Variants in STK38 observed in about 807,000 individuals in gnomAD.
STK38 encodes the protein serine/threonine-protein kinase 38.
In STK38, 26 loss-of-function variants were observed where a neutral mutation model predicts 59.0. The ratio of observed to expected loss-of-function variants is 0.44; its 90% CI spans 0.32 to 0.61. The LOEUF (loss-of-function observed/expected upper bound fraction) is 0.61. STK38 is among the 20% of genes least tolerant of loss of function. The pLI, the probability that STK38 is intolerant of heterozygous loss-of-function variation, is 0.04. For synonymous variants in STK38, 175 were observed against 176.6 expected, an observed-to-expected ratio of 0.99 and a Z score of 0.07; for missense variants, 433 against 566.0, an observed-to-expected ratio of 0.76 and a Z score of 2.38.
chr6:36,495,814 TG>T lies in STK38; in HGVS notation c.1367del (p.Ala456GlufsTer6), dbSNP rs1299749640. 6 of 1,614,064 alleles carry T rather than the reference TG, an allele frequency of 3.7e-6. No individual in the cohort carries two copies. Among genetic ancestry groups the T allele is most frequent in the Non-Finnish European group, 5.1e-6 (6 of 1,179,962 alleles). On this transcript the variant is annotated frameshift_variant, in exon 14 of 14. Transcript: ENST00000229812. LOFTEE classifies it high-confidence loss of function. ...TTGCTGCTTTCATGTAGGAAGGTAT[TG>T]CCCCCCTTGCAGTCAGGCCCTCAAA... ...KRFEGLTARG[A>X]IPSYMKAAK
intron 3 of STK38, 52 bp from the exon 4 acceptor site, chr6:36,524,515 A>G: frequency 6.4e-7 from 1 of 1,552,182 alleles, no homozygotes. Context: ...AAATTCTGAA[A>G]CTCTGTAACA....
chr6:36,539,424 T>C (rs1408301571), intron 2 of STK38, among the ~76,000 whole-genome samples: 1 of 151,772 alleles, frequency 6.6e-6, no homozygotes, highest in Non-Finnish European at 1.5e-5. Context: ...TATGAGTTAC[T>C]AAGTGGACAG....
chr6:36,507,599 G>A lies in STK38; in HGVS notation c.673C>T (p.His225Tyr), dbSNP rs1258961324. 3 of 1,612,938 alleles carry A rather than the reference G, an allele frequency of 1.9e-6. No homozygotes were observed. Among genetic ancestry groups the A allele is most frequent in the Non-Finnish European group, 2.5e-6 (3 of 1,179,168 alleles). ...AGACCAAAGTCAGAAAGTTTCACATGGCCCTATGGGGAAGAAACAAGGTGA... is the reference window on the plus strand; with the variant it reads ...AGACCAAAGTCAGAAAGTTTCACATAGCCCTATGGGGAAGAAACAAGGTGA... Reference protein sequence around the residue: ...PDNLLLDSKGHVKLSDFGLCT... With the variant: ...PDNLLLDSKGYVKLSDFGLCT... The change falls in exon 8 of 14, where the codon CAT (histidine) becomes TAT (tyrosine). Residue 225 changes from histidine to tyrosine, a missense_variant. Coordinates refer to ENST00000229812, the MANE Select transcript of STK38 (RefSeq NM_007271.4).
intron 7 of STK38, among the ~76,000 whole-genome samples, chr6:36,512,414 A>G (rs1777135658): frequency 6.6e-6 from 1 of 152,236 alleles, no homozygotes; most frequent in Admixed American, 6.5e-5. Context: ...GCACTAAGCT[A>G]CCTGGGGCAC....
chr6:36,513,926 C>A (rs553166183), intron 7 of STK38, among the ~76,000 whole-genome samples: 431 of 146,806 alleles, frequency 2.9e-3, no homozygotes, highest in Non-Finnish European at 5.3e-3. Context: ...GAGGCCAAGG[C>A]GGGCAGATCA....
chr6:36,536,988 A>C (rs1777807402), intron 2 of STK38, among the ~76,000 whole-genome samples: 1 of 152,124 alleles, frequency 6.6e-6, no homozygotes, highest in South Asian at 2.1e-4. Context: ...TGAGCAAGAA[A>C]GCCACAGACT....
chr6:36,509,310 G>A (rs1777045599), intron 7 of STK38, among the ~76,000 whole-genome samples: 1 of 152,192 alleles, frequency 6.6e-6, no homozygotes, highest in African/African-American at 2.4e-5. Flanking sequence ...CCTCAGTGCA[G>A]AAAAGACCCA....
rs147446071 is a variant in STK38, at chr6:36,535,749, G to A, written c.131+4323C>T. On this transcript the variant is annotated intron_variant, in intron 2 of 13. Coordinates refer to ENST00000229812, the MANE Select transcript of STK38 (RefSeq NM_007271.4). ...GAATTAGCTGGGTGTGGTGGCGTGT[G>A]CCTGTAGTCCCAGCTGTTAGGGAGG... Among the ~76,000 whole-genome samples, 21 of 151,868 alleles carry A rather than the reference G, an allele frequency of 1.4e-4. No homozygotes were observed. The East Asian group carries it at 4.1e-3, about 29-fold the overall frequency.
In STK38 at chr6:36,495,884, T is replaced by C; in HGVS notation, c.1298A>G (p.Tyr433Cys). ...VATSNHPETD[Y>C]KNKDWVFINY... ...GATGAAGACCCAGTCTTTGTTCTTG[T>C]AGTCAGTCTCAGGATGATTACTTGT... is the stretch of plus-strand genomic sequence containing the variant. Residue 433 changes from tyrosine to cysteine, a missense_variant, in exon 14 of 14, where the codon TAC (tyrosine) becomes TGC (cysteine). Tyr to Cys is a radical substitution (Grantham distance 194, BLOSUM62 -2). This residue lies in a region of STK38 where 136 missense variants were observed against 156.7 expected (regional missense o/e 0.87). Coordinates refer to ENST00000229812, the MANE Select transcript of STK38 (RefSeq NM_007271.4). 6.2e-7 allele frequency: 1 copy of C among 1,614,080 alleles called. No individual in the cohort carries two copies. The highest frequency in any genetic ancestry group is 8.5e-7 in the Non-Finnish European group (1 of 1,179,976).
At chr6:36,504,642 C>T (rs1342399819) in intron 9 of STK38, among the ~76,000 whole-genome samples, 2 of 151,976 alleles carry the variant, frequency 1.3e-5, no homozygotes, top group African/African-American at 4.8e-5. Flanking sequence ...TTAACCATAG[C>T]ATCAGGGCCT....
chr6:36,497,913 G>T, intron 11 of STK38, 38 bp from the exon 12 acceptor site: 1 of 1,315,196 alleles, frequency 7.6e-7, no homozygotes, highest in Non-Finnish European at 1.1e-6. Flanking sequence ...ATCTCAAGCA[G>T]TCTCCTCAGA....
chr6:36,539,704 T>C (rs891940524), intron 2 of STK38, among the ~76,000 whole-genome samples: 7 of 151,600 alleles, frequency 4.6e-5, no homozygotes, highest in East Asian at 1.9e-4. Context: ...TATTCCATTA[T>C]ACCACTCTGC....
Position 36,501,411 on chromosome 6 carries a change from T to A in STK38, c.835-1421A>T, listed in dbSNP as rs186101352. ...GTGCTTTAAATATTATATAATTTTT[T>A]AAATTACAGTTGTATTGTTTTTAAA... On this transcript the variant is annotated intron_variant, in intron 9 of 13. Transcript: ENST00000229812. Among the ~76,000 whole-genome samples, 479 of 152,306 alleles carry A rather than the reference T, an allele frequency of 3.1e-3. 2 individuals carry two copies. Among genetic ancestry groups the A allele is most frequent in the Non-Finnish European group, 4.6e-3 (314 of 68,028 alleles).
chr6:36,534,673 T>A (rs559118855), intron 2 of STK38, among the ~76,000 whole-genome samples: 1 of 152,018 alleles, frequency 6.6e-6, no homozygotes, highest in Non-Finnish European at 1.5e-5. Flanking sequence ...ATAAAAAAAT[T>A]TTTTAACCCA....
chr6:36,526,830 G>A (rs1281811124), intron 2 of STK38, among the ~76,000 whole-genome samples: 2 of 151,892 alleles, frequency 1.3e-5, no homozygotes, highest in African/African-American at 4.8e-5. Context: ...GGAGGTGGAG[G>A]CTGCAGTGAG....
intron 8 of STK38, 74 bp downstream of exon 8, chr6:36,507,426 A>C (rs1776994193): frequency 8.2e-7 from 1 of 1,215,544 alleles, no homozygotes; most frequent in Non-Finnish European, 1.2e-6. Flanking sequence ...TATCTGTTCT[A>C]ATTTGGTTAC....
intron 2 of STK38, among the ~76,000 whole-genome samples, chr6:36,532,065 A>G (rs1175089487): frequency 6.6e-6 from 1 of 152,160 alleles, no homozygotes; most frequent in African/African-American, 2.4e-5. Flanking sequence ...ATCATATATT[A>G]TCTCTTCATT....
At chr6:36,519,597 G>A (rs950300510) in intron 5 of STK38, among the ~76,000 whole-genome samples, 1 of 152,190 alleles carries the variant, frequency 6.6e-6, no homozygotes, top group Non-Finnish European at 1.5e-5. Flanking sequence ...GGCTGAAACA[G>A]TAGCAAGAAA....
intron 1 of STK38, among the ~76,000 whole-genome samples, chr6:36,545,345 A>G (rs1226765626): frequency 2.6e-5 from 4 of 151,610 alleles, no homozygotes; most frequent in East Asian, 3.8e-4. Flanking sequence ...ACTGATGGAT[A>G]TATCAAAAAT....
Sources: gnomAD v4.1 joint callset for allele counts (sites outside exome capture counted in the v4.1 genomes callset) on GRCh38, gnomAD v4.1.1 for gene constraint, gnomAD v4.1.1 regional missense constraint, MANE v1.5 for transcripts, NCBI Gene and HGNC (gene_info 2026-07-23, HGNC 2026-07-21) for gene names.